The following NEB variants were observed in gnomAD, a reference collection of about 807,000 sequenced individuals.
NEB encodes the protein nemaline myopathy type 2.
Under a neutral mutation model 952.2 loss-of-function variants are expected in NEB, and 512 were observed. The ratio of observed to expected loss-of-function variants is 0.54; its 90% CI spans 0.50 to 0.58. NEB has a LOEUF of 0.58. Among genes scored for constraint, NEB ranks in the 20% least tolerant of loss-of-function variants. The pLI is 0.00. For missense variants in NEB, 8,428 were observed against 9,231.1 expected, an observed-to-expected ratio of 0.91 and a Z score of 3.56; for synonymous variants, 2,900 against 3,149.8, an observed-to-expected ratio of 0.92 and a Z score of 2.66.
intron 110 of NEB, 60 bp from the exon 111 acceptor site, chr2:151,568,776 A>C: frequency 8.3e-7 from 1 of 1,204,942 alleles, no homozygotes; most frequent in Non-Finnish European, 1.2e-6. Flanking sequence ...TGAACTGAGA[A>C]GATACACTAA....
In NEB at chr2:151,505,505, C is replaced by CA; in HGVS notation, c.23714dup (p.Lys7906GlufsTer8). On this transcript the variant is annotated frameshift_variant, in exon 165 of 182. Coordinates refer to ENST00000397345, the MANE Select transcript of NEB (RefSeq NM_001164508.2). LOFTEE classifies it high-confidence loss of function. Reference sequence around the variant, plus strand: ...AGCTAATGTGCTTCTGCGTCTCCTTCACACGTTTCACTTCAGGCAGGTCAG... The same window carrying CA: ...AGCTAATGTGCTTCTGCGTCTCCTTCAACACGTTTCACTTCAGGCAGGTCAG... 1 of 1,613,840 alleles carries CA rather than the reference C, an allele frequency of 6.2e-7. No individual in the cohort carries two copies. The highest frequency in any genetic ancestry group is 2.2e-5 in the East Asian group (1 of 44,886).
intron 107 of NEB, among the ~76,000 whole-genome samples, chr2:151,575,242 G>C: frequency 6.6e-6 from 1 of 151,970 alleles, no homozygotes; most frequent in Non-Finnish European, 1.5e-5. Flanking sequence ...TTAATTTCTT[G>C]CTGTATGTTT....
At chr2:151,514,101 G>T (rs1385053895) in intron 159 of NEB, among the ~76,000 whole-genome samples, 1 of 152,182 alleles carries the variant, frequency 6.6e-6, no homozygotes, top group Non-Finnish European at 1.5e-5. Flanking sequence ...AATAGATTAT[G>T]ATAACCACTA....
rs1350737425 is a variant in NEB, at chr2:151,492,281, C to T, written c.24874G>A (p.Val8292Met). ...VRETQRHIST[V>M]KYHEDFEKHK... The stretch of plus-strand genomic sequence containing the variant: ...TTCTCAAAGTCTTCATGATATTTCA[C>T]CTGAAATGTCATGAATTTGCTTTAT... Residue 8292 changes from valine (V) to methionine (M), a missense_variant and splice_region_variant, in exon 178 of 182, where the codon GTG (valine) becomes ATG (methionine). Val to Met is a conservative substitution (Grantham distance 21). Coordinates refer to ENST00000397345, the MANE Select transcript of NEB (RefSeq NM_001164508.2). The T allele has an allele frequency of 7.5e-6, 12 of 1,608,948 alleles. No homozygotes were observed. The highest frequency in any genetic ancestry group is 1.0e-5 in the Non-Finnish European group (12 of 1,176,612).
chr2:151,502,708 G>C, intron 167 of NEB, 85 bp downstream of exon 167: 1 of 772,686 alleles, frequency 1.3e-6, no homozygotes, highest in Non-Finnish European at 2.2e-6. Context: ...TTCATTATAT[G>C]AATTTAGTAA....
At chr2:151,680,625 G>A in intron 30 of NEB, 105 bp downstream of exon 30, 1 of 779,660 alleles carries the variant, frequency 1.3e-6, no homozygotes. Context: ...GTGTAATTGG[G>A]TCTCTTCATA....
chr2:151,694,588 CT>C lies in NEB; in HGVS notation c.1715del (p.Lys572SerfsTer24), dbSNP rs777304551. On this transcript the variant is annotated frameshift_variant, in exon 19 of 182. Coordinates refer to ENST00000397345, the MANE Select transcript of NEB (RefSeq NM_001164508.2). LOFTEE classifies it high-confidence loss of function. Reference sequence around the variant, plus strand: ...GAATGGCATCCACTTTAATGTCAAACTTTTTGGCTTTGCTCTTCTCCCAGTC... The same window carrying C: ...GAATGGCATCCACTTTAATGTCAAACTTTTGGCTTTGCTCTTCTCCCAGTC... Reference protein sequence around the residue: ...KQDWEKSKAKKFDIKVDAIPL... With the variant: ...KQDWEKSKAKXFDIKVDAIPL... 2 of 1,603,346 alleles carry C rather than the reference CT, an allele frequency of 1.2e-6. No individual in the cohort carries two copies. Among genetic ancestry groups the C allele is most frequent in the African/African-American group, 1.3e-5 (1 of 74,892 alleles).
intron 13 of NEB, among the ~76,000 whole-genome samples, chr2:151,697,870 G>T (rs1262156982): frequency 6.6e-6 from 1 of 152,102 alleles, no homozygotes; most frequent in African/African-American, 2.4e-5. Flanking sequence ...TTTGAGACAA[G>T]CCTAGCCAAC....
rs373632181 is a variant in NEB, at chr2:151,668,306, T to G, written c.4612-395A>C. On this transcript the variant is annotated intron_variant, in intron 39 of 181. Coordinates refer to ENST00000397345, the MANE Select transcript of NEB (RefSeq NM_001164508.2). ...AGCATTTCAAGCTTATAGGAAGATA[T>G]GAATACTAAAACTAAAAATCCAGAT... is the stretch of plus-strand genomic sequence containing the variant. 3.7e-4 allele frequency among the ~76,000 whole-genome samples: 56 copies of G among 152,274 alleles called. 1 individual carries two copies. In the South Asian group the frequency reaches 0.011, roughly 30 times the overall value.
intron 13 of NEB, among the ~76,000 whole-genome samples, chr2:151,701,759 T>C (rs2099671727): frequency 6.6e-6 from 1 of 151,156 alleles, no homozygotes; most frequent in Admixed American, 6.6e-5. Context: ...TCTCTCTTTT[T>C]TTCTTTATTA....
intron 166 of NEB, 131 bp from the exon 167 acceptor site, chr2:151,503,016 T>C (rs2065907601): frequency 3.2e-6 from 2 of 620,888 alleles, no homozygotes; most frequent in Non-Finnish European, 5.6e-6. Context: ...AAGGATAATG[T>C]TTTTACTTTT....
At chr2:151,497,590 T>TAAATA in intron 171 of NEB, 36 bp downstream of exon 171, 5 of 1,542,992 alleles carry the variant, frequency 3.2e-6, no homozygotes, top group Non-Finnish European at 4.4e-6. Flanking sequence ...TCAAAATCAT[T>TAAATA]AAATAAGTAG....
At chr2:151,702,335 A>G (rs2099676553) in intron 13 of NEB, among the ~76,000 whole-genome samples, 1 of 152,038 alleles carries the variant, frequency 6.6e-6, no homozygotes, top group Non-Finnish European at 1.5e-5. Flanking sequence ...AAAAAAATGT[A>G]TATTCTGTTG....
chr2:151,513,514 G>A, intron 160 of NEB, 66 bp downstream of exon 160: 1 of 1,147,808 alleles, frequency 8.7e-7, no homozygotes, highest in East Asian at 2.5e-5. Context: ...ATGACAGAGG[G>A]ACACTTTATG....
intron 76 of NEB, 80 bp downstream of exon 76, chr2:151,615,922 T>C: frequency 9.1e-7 from 1 of 1,098,896 alleles, no homozygotes; most frequent in Non-Finnish European, 1.3e-6. Context: ...GTAACTAAAT[T>C]TCTAGCAAGA....
intron 178 of NEB, 92 bp downstream of exon 178, chr2:151,492,005 CT>C: frequency 1.5e-6 from 2 of 1,338,812 alleles, no homozygotes; most frequent in South Asian, 2.7e-5. Context: ...GATTGAAGTC[CT>C]TTATGTTTTG....
chr2:151,711,233 T>C (rs551782392), intron 10 of NEB, among the ~76,000 whole-genome samples: 1 of 152,290 alleles, frequency 6.6e-6, no homozygotes, highest in African/African-American at 2.4e-5. Context: ...GACCATGATA[T>C]GCGGTTTTGA....
In NEB at chr2:151,640,542, T is replaced by C; in HGVS notation, c.8498A>G (p.Lys2833Arg). The stretch of plus-strand genomic sequence containing the variant: ...GGTCTTCCACTTCTCAAAGTCCTTC[T>C]TGTACTCCCTGTCACTCTGGATCTT... ...VAKIQSDREYKKDFEKWKTKF... is the reference protein window; with the variant it reads ...VAKIQSDREYRKDFEKWKTKF... Residue 2833 changes from lysine (K) to arginine (R), a missense_variant, in exon 61 of 182, where the codon AAG becomes AGG. Around this residue, in one of 11 missense-constraint regions of NEB, gnomAD observed 1,772 missense variants for 1,960.3 expected, o/e 0.90. Coordinates refer to ENST00000397345, the MANE Select transcript of NEB (RefSeq NM_001164508.2). 1.2e-6 allele frequency: 2 copies of C among 1,613,948 alleles called. No individual in the cohort carries two copies. The highest frequency in any genetic ancestry group is 2.2e-5 in the East Asian group (1 of 44,862).
intron 55 of NEB, among the ~76,000 whole-genome samples, chr2:151,645,113 C>G (rs563401255): frequency 6.6e-6 from 1 of 152,242 alleles, no homozygotes; most frequent in East Asian, 1.9e-4. Context: ...CCTTTGTTGG[C>G]CAAACTGTTG....
Sources: allele counts gnomAD v4.1 joint callset (sites outside exome capture counted in the v4.1 genomes callset), GRCh38; gene constraint gnomAD v4.1.1; regional missense constraint gnomAD v4.1.1; transcripts MANE v1.5; gene names NCBI Gene and HGNC (gene_info 2026-07-23, HGNC 2026-07-21).